The following TTC28 variants were observed in gnomAD, a reference collection of about 807,000 sequenced individuals.
The protein encoded by TTC28 is tetratricopeptide repeat domain 28.
In TTC28, 61 loss-of-function variants were observed where a neutral mutation model predicts 198.0. The ratio of observed to expected loss-of-function variants is 0.31; its 90% CI spans 0.25 to 0.38. TTC28 has a LOEUF of 0.38. TTC28 is among the 10% of genes least tolerant of loss of function. The pLI is 1.00. For missense variants in TTC28, 2,678 were observed against 3,164.0 expected (o/e 0.85, Z 3.69); for synonymous variants, 1,171 against 1,297.8 (o/e 0.90, Z 2.10).
At chr22:28,016,922 C>T (rs1938401331) in intron 13 of TTC28, among the ~76,000 whole-genome samples, 2 of 152,226 alleles carry the variant, frequency 1.3e-5, no homozygotes, top group East Asian at 3.9e-4. Context: ...GGGCAGGGTA[C>T]CCCTACTGGC....
At chr22:28,592,282 G>A (rs964283992) in intron 2 of TTC28, among the ~76,000 whole-genome samples, 14 of 152,176 alleles carry the variant, frequency 9.2e-5, no homozygotes, top group Admixed American at 2.6e-4. Flanking sequence ...ACCCAAAAGT[G>A]TGAGGCTACA....
Position 28,525,020 on chromosome 22 carries a change from GA to G in TTC28, c.381+104531del, listed in dbSNP as rs565050286. ...ATGTGTTCAAGACTTATTATTGATA[GA>G]AAAAAAGTTCATTGGGCTTACTGCT... On this transcript the variant is annotated intron_variant, in intron 2 of 22. Coordinates refer to ENST00000397906, the MANE Select transcript of TTC28 (RefSeq NM_001145418.2). 4.2e-3 allele frequency among the ~76,000 whole-genome samples: 632 copies of G among 152,174 alleles called. 4 individuals are homozygous for G. Among genetic ancestry groups the G allele is most frequent in the Non-Finnish European group, 6.0e-3 (409 of 67,990 alleles).
At chr22:28,350,905 G>A (rs570712398) in intron 2 of TTC28, among the ~76,000 whole-genome samples, 16 of 152,264 alleles carry the variant, frequency 1.1e-4, no homozygotes, top group Admixed American at 5.9e-4. Context: ...CTTCTCGGCC[G>A]GGCGCAGTGG....
At chr22:28,363,535 G>A (rs1292027849) in intron 2 of TTC28, among the ~76,000 whole-genome samples, 2 of 152,194 alleles carry the variant, frequency 1.3e-5, no homozygotes, top group South Asian at 2.1e-4. Context: ...GCACCGCCTA[G>A]TGGAGCTGTG....
intron 6 of TTC28, among the ~76,000 whole-genome samples, chr22:28,133,405 G>T (rs1187262661): frequency 6.6e-6 from 1 of 152,162 alleles, no homozygotes; most frequent in African/African-American, 2.4e-5. Context: ...GCTGAAGAAG[G>T]GTGAGGCATC....
chr22:28,513,488 C>G (rs1028976944), intron 2 of TTC28, among the ~76,000 whole-genome samples: 5 of 152,116 alleles, frequency 3.3e-5, no homozygotes, highest in African/African-American at 1.2e-4. Context: ...AGCAGTAATC[C>G]CAGCACTTGG....
chr22:28,049,528 A>G (rs9625390), intron 12 of TTC28, among the ~76,000 whole-genome samples: 10,515 of 152,224 alleles, frequency 0.069, 424 homozygotes, highest in South Asian at 0.09. Context: ...CTGGAGCAGC[A>G]GAGGACTAGT....
At chr22:28,177,246 C>T (rs757195376) in intron 5 of TTC28, among the ~76,000 whole-genome samples, 1 of 152,008 alleles carries the variant, frequency 6.6e-6, no homozygotes, top group Non-Finnish European at 1.5e-5. Flanking sequence ...AGGAAGTATA[C>T]GGAAAGATGT....
chr22:28,318,850 G>A (rs1372003414), intron 2 of TTC28, among the ~76,000 whole-genome samples: 4 of 111,152 alleles, frequency 3.6e-5, no homozygotes, highest in African/African-American at 7.0e-5. Flanking sequence ...ACAGAGTCTC[G>A]CTCCTTTACC....
At chr22:28,159,810 T>C (rs1920986447) in intron 6 of TTC28, among the ~76,000 whole-genome samples, 1 of 152,182 alleles carries the variant, frequency 6.6e-6, no homozygotes, top group South Asian at 2.1e-4. Flanking sequence ...TTGGAAGCAA[T>C]GTAAGTGTCC....
rs922332565 is a variant in TTC28, at chr22:28,367,338, C to A, written c.382-60695G>T. ...ATTAAACAAAATGCTCCTGAATGAC[C>A]AATGGGTCAATGAAGAAATGAAGAA... On this transcript the variant is annotated intron_variant, in intron 2 of 22. Coordinates refer to ENST00000397906, the MANE Select transcript of TTC28 (RefSeq NM_001145418.2). Among the ~76,000 whole-genome samples, 10 of 151,860 alleles carry A rather than the reference C, an allele frequency of 6.6e-5. No homozygotes were observed. In the East Asian group the frequency reaches 1.3e-3, roughly 20 times the overall value.
At chr22:28,521,205 C>G (rs1367933446) in intron 2 of TTC28, among the ~76,000 whole-genome samples, 1 of 151,502 alleles carries the variant, frequency 6.6e-6, no homozygotes, top group South Asian at 2.1e-4. Flanking sequence ...CCAGGACCAA[C>G]CTGCACAACA....
intron 14 of TTC28, among the ~76,000 whole-genome samples, chr22:28,010,699 A>G (rs1569081625): frequency 6.6e-6 from 1 of 152,168 alleles, no homozygotes; most frequent in Non-Finnish European, 1.5e-5. Flanking sequence ...TGGCAGAGGC[A>G]GGGGGCTCAC....
chr22:28,061,041 T>C (rs1478565810), intron 12 of TTC28, among the ~76,000 whole-genome samples: 1 of 152,250 alleles, frequency 6.6e-6, no homozygotes, highest in Admixed American at 6.5e-5. Context: ...TCTGTTCACA[T>C]CCTTCATCCA....
At chr22:28,308,625 T>A (rs2045191465) in intron 2 of TTC28, among the ~76,000 whole-genome samples, 1 of 152,194 alleles carries the variant, frequency 6.6e-6, no homozygotes. Flanking sequence ...AGTTCAGTGT[T>A]AAATGCAAGC....
intron 2 of TTC28, among the ~76,000 whole-genome samples, chr22:28,433,580 A>G (rs1191439206): frequency 2.6e-5 from 4 of 152,238 alleles, no homozygotes; most frequent in African/African-American, 9.6e-5. Flanking sequence ...TCTAAAATAA[A>G]TAATATTTGT....
chr22:28,128,201 C>A (rs960632115), intron 6 of TTC28, among the ~76,000 whole-genome samples: 4 of 152,042 alleles, frequency 2.6e-5, no homozygotes, highest in African/African-American at 9.7e-5. Flanking sequence ...GCCTATAATC[C>A]CAGCACTTTG....
At chr22:28,514,550 G>C (rs2048745345) in intron 2 of TTC28, among the ~76,000 whole-genome samples, 3 of 152,242 alleles carry the variant, frequency 2.0e-5, no homozygotes, top group South Asian at 2.1e-4. Flanking sequence ...GGAGAATTAA[G>C]AAGAGAAAAC....
chr22:28,371,347 C>CA (rs1354299479), intron 2 of TTC28, among the ~76,000 whole-genome samples: 2,335 of 134,032 alleles, frequency 0.017, 75 homozygotes, highest in African/African-American at 0.059. Flanking sequence ...CCAGTACTAC[C>CA]AAAAAAAAAA....
Sources: allele counts gnomAD v4.1 joint callset (sites outside exome capture counted in the v4.1 genomes callset), GRCh38; gene constraint gnomAD v4.1.1; transcripts MANE v1.5; gene names NCBI Gene and HGNC (gene_info 2026-07-23, HGNC 2026-07-21).